Variants in LOC128092252 observed in about 807,000 individuals in gnomAD.
the LOC128092252 span, among the ~76,000 whole-genome samples, chr15:50,670,322 G>C: frequency 1.3e-5 from 2 of 152,036 alleles, no homozygotes; most frequent in African/African-American, 4.8e-5. Flanking sequence ...GACCTGCTGG[G>C]CTGCATTCCC....
chr15:50,661,533 G>A, the LOC128092252 span, among the ~76,000 whole-genome samples: 1 of 152,166 alleles, frequency 6.6e-6, no homozygotes, highest in Non-Finnish European at 1.5e-5. Flanking sequence ...TGAGAGATCC[G>A]TTCAAAGTTA....
At chr15:50,678,322 A>G in the LOC128092252 span, among the ~76,000 whole-genome samples, 6 of 151,348 alleles carry the variant, frequency 4.0e-5, no homozygotes, top group Admixed American at 4.0e-4. Flanking sequence ...AAATTTGTAC[A>G]TGGGTCAACA....
the LOC128092252 span, among the ~76,000 whole-genome samples, chr15:50,655,597 T>C: frequency 1.3e-5 from 2 of 151,728 alleles, no homozygotes; most frequent in Non-Finnish European, 2.9e-5. Context: ...ATATTTAAAG[T>C]AGCTAGAGAA....
the LOC128092252 span, among the ~76,000 whole-genome samples, chr15:50,661,786 G>GA: frequency 2.6e-5 from 4 of 152,104 alleles, no homozygotes; most frequent in African/African-American, 9.7e-5. Context: ...AAGGAAGGAA[G>GA]ATTCAAAAAT....
chr15:50,674,402 G>A, the LOC128092252 span, among the ~76,000 whole-genome samples: 1 of 152,174 alleles, frequency 6.6e-6, no homozygotes, highest in African/African-American at 2.4e-5. Flanking sequence ...AAAGTGCTGG[G>A]ATTACAGGGG....
the LOC128092252 span, among the ~76,000 whole-genome samples, chr15:50,666,966 G>T: frequency 6.6e-6 from 1 of 152,134 alleles, no homozygotes; most frequent in African/African-American, 2.4e-5. Flanking sequence ...TTACTTTACT[G>T]TATGGATTCG....
chr15:50,676,311 T>C, the LOC128092252 span, among the ~76,000 whole-genome samples: 1 of 152,188 alleles, frequency 6.6e-6, no homozygotes, highest in Non-Finnish European at 1.5e-5. Flanking sequence ...AAATTTTTTT[T>C]TAACAAATAC....
the LOC128092252 span, among the ~76,000 whole-genome samples, chr15:50,674,324 G>A: frequency 6.6e-6 from 1 of 151,952 alleles, no homozygotes; most frequent in African/African-American, 2.4e-5. Flanking sequence ...TAGAGATGAG[G>A]TTTCACCATG....
At chr15:50,656,733 C>T in the LOC128092252 span, among the ~76,000 whole-genome samples, 1 of 151,994 alleles carries the variant, frequency 6.6e-6, no homozygotes, top group Non-Finnish European at 1.5e-5. Flanking sequence ...CCTAGCCTAC[C>T]ACCCAGAGAC....
At chr15:50,656,150 G>A in the LOC128092252 span, among the ~76,000 whole-genome samples, 1 of 152,012 alleles carries the variant, frequency 6.6e-6, no homozygotes, top group Admixed American at 6.6e-5. Context: ...GTTCAGTGTA[G>A]CTGCACTATA....
At chr15:50,662,591 G>C in the LOC128092252 span, among the ~76,000 whole-genome samples, 5 of 152,148 alleles carry the variant, frequency 3.3e-5, no homozygotes. Context: ...GAACCATAGT[G>C]TTGGATACCC....
the LOC128092252 span, chr15:50,657,639 C>A: frequency 1.4e-6 from 1 of 691,614 alleles, no homozygotes; most frequent in Non-Finnish European, 2.4e-6. Flanking sequence ...TTGACTGACC[C>A]TTCACCTTCC....
At chr15:50,655,264 T>C in the LOC128092252 span, among the ~76,000 whole-genome samples, 481 of 150,924 alleles carry the variant, frequency 3.2e-3, 2 homozygotes, top group African/African-American at 0.011. Context: ...TAAAATCCCA[T>C]CTCTACTAAT....
the LOC128092252 span, among the ~76,000 whole-genome samples, chr15:50,671,881 T>C: frequency 6.6e-6 from 1 of 152,126 alleles, no homozygotes; most frequent in Non-Finnish European, 1.5e-5. Flanking sequence ...TGGGTATTTG[T>C]TTTGATATTG....
the LOC128092252 span, among the ~76,000 whole-genome samples, chr15:50,669,379 G>A: frequency 1.3e-5 from 2 of 152,068 alleles, no homozygotes. Flanking sequence ...AGGCTGCAGT[G>A]AGCCGAGGTC....
chr15:50,650,192 CAAAAAAAAAAAA>C, the LOC128092252 span, among the ~76,000 whole-genome samples: 14 of 62,292 alleles, frequency 2.2e-4, no homozygotes, highest in South Asian at 6.7e-4. Flanking sequence ...GACTTTGTCT[CAAAAAAAAAAAA>C]AAAAAAAAAA....
At chr15:50,683,257 T>A in the LOC128092252 span, among the ~76,000 whole-genome samples, 1 of 151,832 alleles carries the variant, frequency 6.6e-6, no homozygotes, top group Non-Finnish European at 1.5e-5. Flanking sequence ...TGCAATTTAC[T>A]TATATGTTGA....
chr15:50,678,234 T>A, the LOC128092252 span, among the ~76,000 whole-genome samples: 2 of 110,318 alleles, frequency 1.8e-5, no homozygotes, highest in Non-Finnish European at 3.7e-5. Context: ...AGTGAGACTC[T>A]CTCTCAAAAA....
At chr15:50,672,660 A>G in the LOC128092252 span, among the ~76,000 whole-genome samples, 1 of 152,044 alleles carries the variant, frequency 6.6e-6, no homozygotes, top group Admixed American at 6.6e-5. Flanking sequence ...CTGTAACCCC[A>G]GCACTTTGGG....
Sources: allele counts gnomAD v4.1 joint callset (sites outside exome capture counted in the v4.1 genomes callset), GRCh38; gene constraint gnomAD v4.1.1; transcripts MANE v1.5.